Variants in SOX5 observed in about 807,000 individuals in gnomAD.
SOX5 encodes SRY-box transcription factor 5.
In SOX5, 9 loss-of-function variants were observed where a neutral mutation model predicts 92.0. The observed-to-expected ratio is 0.10, with a 90% CI of 0.06 to 0.17. The LOEUF (loss-of-function observed/expected upper bound fraction) is 0.17, where lower values mean the gene tolerates loss of function less well. SOX5 is among the 10% of genes least tolerant of loss of function. SOX5 has a pLI of 1.00. For synonymous variants in SOX5, 344 were observed against 336.3 expected (o/e 1.02, Z -0.25); for missense variants, 642 against 944.5 (o/e 0.68, Z 4.20).
At chr12:23,733,628 G>A (rs997722070) in intron 6 of SOX5, among the ~76,000 whole-genome samples, 2 of 152,114 alleles carry the variant, frequency 1.3e-5, no homozygotes, top group Non-Finnish European at 2.9e-5. Context: ...AAAATTAGGT[G>A]CGCCTGACTC....
intron 9 of SOX5, chr12:23,584,449 C>T: frequency 1.1e-6 from 1 of 936,916 alleles, no homozygotes; most frequent in Non-Finnish European, 1.8e-6. Context: ...AACAACCTGG[C>T]AGAGTGGGAG....
chr12:23,970,841 A>ATATATATATATATATTTTTTTTTTTTTT, intron 4 of SOX5, among the ~76,000 whole-genome samples: 4 of 21,884 alleles, frequency 1.8e-4, no homozygotes, highest in Non-Finnish European at 4.1e-4. Context: ...TATATATATA[A>ATATATATATATATATTTTTTTTTTTTTT]TTTTTTTTTT....
intron 4 of SOX5, among the ~76,000 whole-genome samples, chr12:24,053,284 CA>C (rs1174810737): frequency 6.6e-6 from 1 of 151,620 alleles, no homozygotes; most frequent in African/African-American, 2.4e-5. Context: ...CCCACCACCA[CA>C]CTTGGCCAAT....
At chr12:24,362,866 GAAA>G (rs35979193) in intron 2 of SOX5, among the ~76,000 whole-genome samples, 6 of 102,150 alleles carry the variant, frequency 5.9e-5, no homozygotes, top group Admixed American at 1.0e-4. Context: ...AAACCACAGT[GAAA>G]AAAAAAAAAA....
At chr12:24,514,322 TAAAG>T (rs1415585728) in intron 1 of SOX5, among the ~76,000 whole-genome samples, 1 of 152,210 alleles carries the variant, frequency 6.6e-6, no homozygotes, top group Non-Finnish European at 1.5e-5. Flanking sequence ...ACGTATCATC[TAAAG>T]ATTTGTATGC....
intron 2 of SOX5, among the ~76,000 whole-genome samples, chr12:24,356,570 A>C (rs1455362325): frequency 6.6e-6 from 1 of 152,018 alleles, no homozygotes; most frequent in African/African-American, 2.4e-5. Context: ...CCAAACACAG[A>C]TATTGAGGAG....
chr12:23,672,089 A>AC (rs2084879638), intron 6 of SOX5, among the ~76,000 whole-genome samples: 1 of 150,184 alleles, frequency 6.7e-6, no homozygotes, highest in Admixed American at 6.7e-5. Context: ...AAACAAAACA[A>AC]AAAAAAAAGG....
chr12:24,016,798 C>A (rs1365012209), intron 4 of SOX5, among the ~76,000 whole-genome samples: 1 of 152,092 alleles, frequency 6.6e-6, no homozygotes, highest in African/African-American at 2.4e-5. Context: ...AGAAAGAGAG[C>A]AAAAGGCTGT....
At chr12:24,294,800 A>G (rs948944917) in intron 2 of SOX5, among the ~76,000 whole-genome samples, 3 of 152,242 alleles carry the variant, frequency 2.0e-5, no homozygotes, top group Non-Finnish European at 2.9e-5. Flanking sequence ...CCCCACAGGG[A>G]TGAAGCCGAC....
At chr12:24,264,917 TCA>T (rs1942789338) in intron 3 of SOX5, among the ~76,000 whole-genome samples, 1 of 152,204 alleles carries the variant, frequency 6.6e-6, no homozygotes, top group Admixed American at 6.5e-5. Context: ...AGTATTGTTC[TCA>T]GTGACAGGGA....
chr12:24,383,223 G>A (rs190608671), intron 1 of SOX5, among the ~76,000 whole-genome samples: 67 of 152,256 alleles, frequency 4.4e-4, no homozygotes, highest in South Asian at 1.7e-3. Context: ...TGGCCCAAAT[G>A]AGTCTTTATT....
intron 8 of SOX5, among the ~76,000 whole-genome samples, chr12:23,626,043 A>C (rs1244227627): frequency 1.3e-5 from 2 of 152,172 alleles, no homozygotes; most frequent in Admixed American, 6.5e-5. Context: ...AAAGAGGTAA[A>C]GAGGAATTAA....
chr12:23,736,690 T>TC (rs2140937237), intron 5 of SOX5, among the ~76,000 whole-genome samples: 1 of 92,462 alleles, frequency 1.1e-5, no homozygotes, highest in African/African-American at 4.7e-5. Context: ...GTTCTTTCTC[T>TC]TTTTTTTTTT....
intron 2 of SOX5, among the ~76,000 whole-genome samples, chr12:24,287,928 G>C (rs1428068843): frequency 6.6e-6 from 1 of 152,104 alleles, no homozygotes; most frequent in Admixed American, 6.5e-5. Context: ...CTCTATAACA[G>C]ATCACACCCA....
intron 2 of SOX5, among the ~76,000 whole-genome samples, chr12:24,330,076 G>T (rs952302913): frequency 1.3e-5 from 2 of 151,650 alleles, no homozygotes; most frequent in Admixed American, 1.3e-4. Context: ...TCCACCAATA[G>T]AATTACGAAT....
intron 1 of SOX5, among the ~76,000 whole-genome samples, chr12:24,482,291 C>G (rs117520903): frequency 0.015 from 2,258 of 152,268 alleles, 23 homozygotes; most frequent in Middle Eastern, 0.034. Flanking sequence ...ATGACAGTTT[C>G]TCTTGACACA....
chr12:23,887,787 C>T (rs777623075), intron 2 of SOX5, among the ~76,000 whole-genome samples: 16 of 151,890 alleles, frequency 1.1e-4, no homozygotes, highest in Non-Finnish European at 2.1e-4. Flanking sequence ...ATTTTTTTCC[C>T]TTTTTTTAAC....
chr12:24,491,859 AG>A (rs1947120917), intron 1 of SOX5, among the ~76,000 whole-genome samples: 1 of 152,056 alleles, frequency 6.6e-6, no homozygotes, highest in African/African-American at 2.4e-5. Flanking sequence ...CACTCCAAGC[AG>A]AGTTGTTTTT....
At chr12:24,286,879 T>C (rs1194896567) in intron 2 of SOX5, among the ~76,000 whole-genome samples, 1 of 152,224 alleles carries the variant, frequency 6.6e-6, no homozygotes, top group Non-Finnish European at 1.5e-5. Context: ...TGGACACAAT[T>C]AACCCATTTA....
Sources: gnomAD v4.1 joint callset for allele counts (sites outside exome capture counted in the v4.1 genomes callset) on GRCh38, gnomAD v4.1.1 for gene constraint, MANE v1.5 for transcripts, NCBI Gene and HGNC (gene_info 2026-07-23, HGNC 2026-07-21) for gene names.